IGFL2: variants seen among roughly 807,000 people sequenced by gnomAD.
The protein encoded by IGFL2 is insulin growth factor-like family member 2.
Under a neutral mutation model 13.9 loss-of-function variants are expected in IGFL2, and 7 were observed. The observed-to-expected ratio is 0.51, with a 90% CI of 0.29 to 0.95. The LOEUF is 0.95. Among genes scored for constraint, IGFL2 ranks in the 40% least tolerant of loss-of-function variants. The pLI is 0.08. For synonymous variants in IGFL2, 55 were observed against 55.8 expected, an observed-to-expected ratio of 0.99 and a Z score of 0.07; for missense variants, 138 against 147.8, an observed-to-expected ratio of 0.93 and a Z score of 0.34.
At chr19:46,128,312 C>G in the IGFL2 span, among the ~76,000 whole-genome samples, 1 of 152,108 alleles carries the variant, frequency 6.6e-6, no homozygotes, top group Non-Finnish European at 1.5e-5. Context: ...GATGTACTCT[C>G]TTTTTATTTA....
chr19:46,183,717 G>A, the IGFL2 span, among the ~76,000 whole-genome samples: 2 of 151,954 alleles, frequency 1.3e-5, no homozygotes, highest in Admixed American at 6.6e-5. Flanking sequence ...TGTATTTTTA[G>A]TAGAGATGAA....
the IGFL2 span, among the ~76,000 whole-genome samples, chr19:46,123,420 T>C: frequency 6.6e-6 from 1 of 151,034 alleles, no homozygotes; most frequent in Non-Finnish European, 1.5e-5. Context: ...CTACCAGTTT[T>C]AAGTAAAGTA....
At chr19:46,196,828 C>T in the IGFL2 span, 3 of 152,866 alleles carry the variant, frequency 2.0e-5, no homozygotes, top group Admixed American at 6.5e-5. Context: ...TGGCCTCCTC[C>T]AGAGCCCTCC....
intron 1 of IGFL2, chr19:46,159,404 A>AC (rs1974011914): frequency 6.6e-6 from 1 of 152,250 alleles, no homozygotes; most frequent in Non-Finnish European, 1.5e-5. Flanking sequence ...TCAAGCCACA[A>AC]CATGGAGTAG....
chr19:46,195,177 A>C, the IGFL2 span: 1 of 151,570 alleles, frequency 6.6e-6, no homozygotes, highest in African/African-American at 2.4e-5. Flanking sequence ...CACCATGCCA[A>C]GTTAATTTTT....
chr19:46,174,121 C>G, the IGFL2 span: 54 of 152,368 alleles, frequency 3.5e-4, 1 homozygote, highest in African/African-American at 1.3e-3. Context: ...TGAGAAAGGA[C>G]TTAGCACTGG....
the IGFL2 span, among the ~76,000 whole-genome samples, chr19:46,117,072 C>A: frequency 5.3e-5 from 8 of 151,960 alleles, no homozygotes; most frequent in Non-Finnish European, 7.4e-5. Context: ...GCCTTAAAAT[C>A]TTGAGCTTTA....
chr19:46,140,349 A>C (rs1972807267), upstream of IGFL2, among the ~76,000 whole-genome samples: 2 of 152,162 alleles, frequency 1.3e-5, no homozygotes, highest in Non-Finnish European at 2.9e-5. Flanking sequence ...GGTCATAAAG[A>C]AAGTCTCAGC....
At chr19:46,178,199 C>T in the IGFL2 span, among the ~76,000 whole-genome samples, 2 of 152,098 alleles carry the variant, frequency 1.3e-5, no homozygotes, top group Non-Finnish European at 2.9e-5. Context: ...ATCACTTGAA[C>T]CCAGGAGGCG....
chr19:46,170,457 C>T, the IGFL2 span, among the ~76,000 whole-genome samples: 1 of 152,100 alleles, frequency 6.6e-6, no homozygotes, highest in South Asian at 2.1e-4. Context: ...ACAAATTGTT[C>T]GTAAAGCATG....
chr19:46,116,534 CT>C, the IGFL2 span, among the ~76,000 whole-genome samples: 1 of 152,136 alleles, frequency 6.6e-6, no homozygotes, highest in African/African-American at 2.4e-5. Flanking sequence ...TAGTATTATT[CT>C]AATTAGAACA....
chr19:46,160,908 G>A (rs759718272), intron 3 of IGFL2, 27 bp downstream of exon 3: 12 of 1,611,086 alleles, frequency 7.4e-6, no homozygotes, highest in African/African-American at 4.0e-5. Context: ...TGGCCAGGGG[G>A]TCGGGGGAAG....
At chr19:46,180,793 C>CA in the IGFL2 span, 1 of 152,226 alleles carries the variant, frequency 6.6e-6, no homozygotes, top group Admixed American at 6.5e-5. Context: ...GTCCAAAAGT[C>CA]AAAGAACCTG....
the IGFL2 span, chr19:46,101,187 T>G: frequency 2.0e-5 from 3 of 152,268 alleles, no homozygotes; most frequent in South Asian, 6.2e-4. Context: ...TTGGTGGGGG[T>G]CTCACCCAGT....
At chr19:46,126,304 T>C in the IGFL2 span, among the ~76,000 whole-genome samples, 7 of 152,232 alleles carry the variant, frequency 4.6e-5, no homozygotes, top group Non-Finnish European at 8.8e-5. Context: ...TGTGCTTTCT[T>C]ACACAACATC....
chr19:46,139,878 T>C (rs572885760), upstream of IGFL2, among the ~76,000 whole-genome samples: 96 of 152,244 alleles, frequency 6.3e-4, no homozygotes, highest in African/African-American at 2.2e-3. Flanking sequence ...TGTGTATATA[T>C]TTATATGTGT....
chr19:46,107,287 A>G, the IGFL2 span, among the ~76,000 whole-genome samples: 1 of 152,164 alleles, frequency 6.6e-6, no homozygotes, highest in Non-Finnish European at 1.5e-5. Flanking sequence ...GAGGTTTCCA[A>G]GGTGATCGGG....
the IGFL2 span, among the ~76,000 whole-genome samples, chr19:46,171,325 G>T: frequency 3.0e-3 from 458 of 152,306 alleles, 2 homozygotes; most frequent in Non-Finnish European, 3.8e-3. Flanking sequence ...AAGTCAAGGG[G>T]AGTCAGCCAG....
the IGFL2 span, chr19:46,214,359 A>G: frequency 6.6e-6 from 1 of 152,228 alleles, no homozygotes; most frequent in Non-Finnish European, 1.5e-5. Context: ...TTTAAATGGC[A>G]TCAGATGAAC....
Sources: gnomAD v4.1 joint callset for allele counts (sites outside exome capture counted in the v4.1 genomes callset) on GRCh38, gnomAD v4.1.1 for gene constraint, MANE v1.5 for transcripts, NCBI Gene and HGNC (gene_info 2026-07-23, HGNC 2026-07-21) for gene names.